Variants in RNF13 observed in about 807,000 individuals in gnomAD.
RNF13 encodes the protein E3 ubiquitin-protein ligase RNF13.
RNF13 carries 19 observed loss-of-function variants against 37.7 expected under a neutral mutation model. That is an observed-to-expected ratio of 0.50 (90% CI 0.35 to 0.74). The LOEUF is 0.74. RNF13 is among the 30% of genes least tolerant of loss of function. The pLI is 0.01. For synonymous variants in RNF13, 144 were observed against 157.8 expected (o/e 0.91, Z 0.65); for missense variants, 375 against 453.0 (o/e 0.83, Z 1.56).
chr3:149,883,472 T>G (rs1038552791), intron 4 of RNF13, among the ~76,000 whole-genome samples: 1 of 152,106 alleles, frequency 6.6e-6, no homozygotes, highest in Non-Finnish European at 1.5e-5. Context: ...GCCTTATGTT[T>G]ATATTCTCCT....
At chr3:149,918,121 T>G (rs980997642) in intron 7 of RNF13, among the ~76,000 whole-genome samples, 6 of 152,178 alleles carry the variant, frequency 3.9e-5, no homozygotes, top group South Asian at 2.1e-4. Flanking sequence ...AATACTATAT[T>G]TATTTAACTC....
At chr3:149,937,401 C>T (rs888991433) in intron 8 of RNF13, among the ~76,000 whole-genome samples, 1 of 152,094 alleles carries the variant, frequency 6.6e-6, no homozygotes, top group Non-Finnish European at 1.5e-5. Context: ...AGTCGAGGGG[C>T]ATCATGGATA....
intron 4 of RNF13, among the ~76,000 whole-genome samples, chr3:149,890,455 A>G (rs762274460): frequency 1.3e-5 from 2 of 152,226 alleles, no homozygotes; most frequent in South Asian, 2.1e-4. Flanking sequence ...GGCAATAAAC[A>G]TAACTCTTAG....
chr3:149,913,364 T>C (rs938724274), intron 7 of RNF13, among the ~76,000 whole-genome samples: 3 of 152,194 alleles, frequency 2.0e-5, no homozygotes, highest in Non-Finnish European at 4.4e-5. Flanking sequence ...TTTGGAATAA[T>C]GTTAAGATTT....
intron 8 of RNF13, among the ~76,000 whole-genome samples, chr3:149,940,745 T>A (rs1720167208): frequency 6.6e-6 from 1 of 152,194 alleles, no homozygotes; most frequent in South Asian, 2.1e-4. Context: ...AAGTGTACAG[T>A]TCAATAGTGT....
chr3:149,932,700 C>T (rs1719283872), intron 8 of RNF13, among the ~76,000 whole-genome samples: 1 of 152,228 alleles, frequency 6.6e-6, no homozygotes, highest in Non-Finnish European at 1.5e-5. Context: ...GGGTGGGCTC[C>T]CAATGCCTTG....
chr3:149,904,241 A>G (rs1716163892), intron 6 of RNF13, among the ~76,000 whole-genome samples: 1 of 152,200 alleles, frequency 6.6e-6, no homozygotes, highest in Non-Finnish European at 1.5e-5. Flanking sequence ...ATAATAATAT[A>G]TTGTCTTTTC....
In RNF13 at chr3:149,902,658, T is replaced by C. The variant is rs867239357; in HGVS notation, c.500+496T>C. 5.9e-5 allele frequency among the ~76,000 whole-genome samples: 9 copies of C among 152,126 alleles called. No individual in the cohort carries two copies. In the South Asian group the frequency reaches 1.5e-3, roughly 25 times the overall value. On this transcript the variant is annotated intron_variant, in intron 6 of 9. Coordinates refer to ENST00000392894, the MANE Select transcript of RNF13 (RefSeq NM_183381.3). The stretch of plus-strand genomic sequence containing the variant: ...ACTCTTCTCCCCTACCCCCACAAAA[T>C]AATCTCATTACAAAGATAACATACA...
At chr3:149,831,492 C>G (rs944738441) in intron 1 of RNF13, among the ~76,000 whole-genome samples, 1 of 152,144 alleles carries the variant, frequency 6.6e-6, no homozygotes, top group Non-Finnish European at 1.5e-5. Context: ...CTCTGTACCC[C>G]CCTTGTTTCT....
intron 8 of RNF13, among the ~76,000 whole-genome samples, chr3:149,951,493 A>C (rs996201855): frequency 5.9e-5 from 9 of 152,194 alleles, no homozygotes; most frequent in Non-Finnish European, 1.0e-4. Context: ...GGAAACTGAG[A>C]GAGTTGGTGC....
intron 1 of RNF13, among the ~76,000 whole-genome samples, chr3:149,815,172 T>C (rs1719303811): frequency 6.6e-6 from 1 of 152,188 alleles, no homozygotes; most frequent in Non-Finnish European, 1.5e-5. Context: ...CAGAATAACG[T>C]AGATTTATCA....
At chr3:149,941,301 C>T (rs1349143781) in intron 8 of RNF13, among the ~76,000 whole-genome samples, 1 of 152,072 alleles carries the variant, frequency 6.6e-6, no homozygotes, top group Non-Finnish European at 1.5e-5. Flanking sequence ...ACTACCTGCA[C>T]CATTTTACAT....
intron 4 of RNF13, among the ~76,000 whole-genome samples, chr3:149,890,329 A>C (rs909572651): frequency 6.6e-6 from 1 of 152,132 alleles, no homozygotes; most frequent in South Asian, 2.1e-4. Flanking sequence ...TGAACTCTTG[A>C]CTGAGGAGAC....
intron 1 of RNF13, among the ~76,000 whole-genome samples, chr3:149,836,789 A>G (rs1436718871): frequency 6.6e-6 from 1 of 152,210 alleles, no homozygotes; most frequent in East Asian, 1.9e-4. Flanking sequence ...AACATGGGGT[A>G]TGTACATATA....
At chr3:149,816,600 T>C (rs1719482971) in intron 1 of RNF13, among the ~76,000 whole-genome samples, 1 of 150,966 alleles carries the variant, frequency 6.6e-6, no homozygotes, top group Non-Finnish European at 1.5e-5. Context: ...AAGTTCCACA[T>C]AAGGACACTG....
chr3:149,900,809 T>C (rs1286454240), intron 5 of RNF13, among the ~76,000 whole-genome samples: 1 of 152,052 alleles, frequency 6.6e-6, no homozygotes, highest in Non-Finnish European at 1.5e-5. Flanking sequence ...GGCTTACATG[T>C]TTTTTTCTGG....
chr3:149,903,689 A>T (rs889746970), intron 6 of RNF13, among the ~76,000 whole-genome samples: 1 of 152,148 alleles, frequency 6.6e-6, no homozygotes, highest in Non-Finnish European at 1.5e-5. Flanking sequence ...TGGCATTGAA[A>T]AATGTTTGAA....
chr3:149,828,493 A>G (rs115465003), intron 1 of RNF13, among the ~76,000 whole-genome samples: 2,647 of 152,348 alleles, frequency 0.017, 40 homozygotes, highest in Middle Eastern at 0.034. Context: ...AGAATTTTCT[A>G]CCATCTTTCC....
At chr3:149,958,402 CCATT>C (rs1485144731) in intron 8 of RNF13, among the ~76,000 whole-genome samples, 2 of 152,168 alleles carry the variant, frequency 1.3e-5, no homozygotes, top group Admixed American at 6.5e-5. Context: ...ATCTCCCTGA[CCATT>C]CATCTGTAGC....
Sources: gnomAD v4.1 joint callset for allele counts (sites outside exome capture counted in the v4.1 genomes callset) on GRCh38, gnomAD v4.1.1 for gene constraint, MANE v1.5 for transcripts, NCBI Gene and HGNC (gene_info 2026-07-23, HGNC 2026-07-21) for gene names.